The following PLAGL1 variants were observed in gnomAD, a reference collection of about 807,000 sequenced individuals.
The protein encoded by PLAGL1 is PLAG1 like zinc finger 1.
A neutral mutation model predicts 4.6 loss-of-function variants in PLAGL1; 1 was observed. The ratio of observed to expected loss-of-function variants is 0.22; its 90% CI spans 0.08 to 1.03. The LOEUF (loss-of-function observed/expected upper bound fraction) is 1.03, where lower values mean the gene tolerates loss of function less well. Ranked by LOEUF, PLAGL1 falls within the 50% of genes least tolerant of loss-of-function variation. The pLI, the probability that PLAGL1 is intolerant of heterozygous loss-of-function variation, is 0.58. For synonymous variants in PLAGL1, 240 were observed against 237.8 expected, an observed-to-expected ratio of 1.01 and a Z score of -0.08; for missense variants, 464 against 570.4, an observed-to-expected ratio of 0.81 and a Z score of 1.90.
At chr6:144,046,952 A>G (rs1177504243) in intron 1 of PLAGL1, among the ~76,000 whole-genome samples, 1 of 152,180 alleles carries the variant, frequency 6.6e-6, no homozygotes, top group Non-Finnish European at 1.5e-5. Flanking sequence ...TCGATCTCAG[A>G]CTGCTGCGCT....
chr6:144,017,506 C>T (rs533408915), intron 1 of PLAGL1, among the ~76,000 whole-genome samples: 22 of 152,330 alleles, frequency 1.4e-4, no homozygotes, highest in African/African-American at 5.3e-4. Flanking sequence ...TGAAGTCTGG[C>T]ACCTCTACTA....
rs1381028153 is a variant in PLAGL1, at chr6:144,056,759, G to A, written c.-151+7709C>T. Among the ~76,000 whole-genome samples the A allele has an allele frequency of 6.6e-6, 1 of 152,028 alleles. No homozygotes were observed. Among genetic ancestry groups the A allele is most frequent in the African/African-American group, 2.4e-5 (1 of 41,392 alleles). The stretch of plus-strand genomic sequence containing the variant: ...TACTCACTGTAGCCATGACCTCTTG[G>A]GCTCAAGTAATCCTCCCACATTAGC... On this transcript the variant is annotated intron_variant, in intron 1 of 3. Coordinates refer to the PLAGL1 transcript ENST00000437412. The surrounding 1 kb of genome is among the most constrained non-coding windows in gnomAD (Gnocchi z 4.7).
chr6:143,968,431 T>A lies in PLAGL1; in HGVS notation c.-472+476A>T, dbSNP rs749560182. ...ATTGTAACATACGTTACATTCTAGA[T>A]ATCTGATTCTAAATGGTGGACCCTA... is the stretch of plus-strand genomic sequence containing the variant. On this transcript the variant is annotated intron_variant, in intron 3 of 7. Transcript: ENST00000674357. This position sits in a 1 kb window ranked among gnomAD's most constrained non-coding sequence, Gnocchi z 6.3. 1 of 152,042 alleles carries A rather than the reference T, an allele frequency of 6.6e-6. No homozygotes were observed. Among genetic ancestry groups the A allele is most frequent in the African/African-American group, 2.4e-5 (1 of 41,422 alleles). The allele number at this position is 152,042 out of a possible 1,614,324, so 9.4% of individuals were successfully genotyped here.
chr6:143,951,237 C>T (rs1264301349), intron 6 of PLAGL1, among the ~76,000 whole-genome samples: 1 of 152,204 alleles, frequency 6.6e-6, no homozygotes, highest in Non-Finnish European at 1.5e-5. Flanking sequence ...AATAAACACC[C>T]TACAAATAGG....
intron 1 of PLAGL1, among the ~76,000 whole-genome samples, chr6:144,062,470 CAAAAAAAAAAAAA>C (rs543521128): frequency 6.6e-5 from 5 of 75,700 alleles, no homozygotes; most frequent in East Asian, 4.3e-4. Flanking sequence ...GTTATCAGAC[CAAAAAAAAAAAAA>C]AAAAAAAAAA....
In PLAGL1 at chr6:143,971,579, T is replaced by C. The variant is rs1785441028; in HGVS notation, c.-543-2601A>G. Among the ~76,000 whole-genome samples the C allele has an allele frequency of 2.6e-5, 4 of 152,348 alleles. 1 individual carries two copies. In the South Asian group the frequency reaches 8.3e-4, roughly 32 times the overall value. On this transcript the variant is annotated intron_variant, in intron 2 of 7. Coordinates refer to ENST00000674357, the MANE Select transcript of PLAGL1 (RefSeq NM_001317162.2). The surrounding 1 kb of genome is among the most constrained non-coding windows in gnomAD (Gnocchi z 4.7). Reference sequence around the variant, plus strand: ...TTGAGAATAGCTAAGAAATTGGGTTTGTCCCAGTGTTCTGTGAAATCAGAC... The same window carrying C: ...TTGAGAATAGCTAAGAAATTGGGTTCGTCCCAGTGTTCTGTGAAATCAGAC...
intron 7 of PLAGL1, among the ~76,000 whole-genome samples, chr6:143,946,006 C>T (rs1292815908): frequency 6.6e-6 from 1 of 152,048 alleles, no homozygotes; most frequent in Non-Finnish European, 1.5e-5. Context: ...ACTTCTTTTT[C>T]AGCGCAGTTT....
At chr6:144,009,619 A>G (rs992159934), upstream of PLAGL1, among the ~76,000 whole-genome samples, 1 of 152,164 alleles carries the variant, frequency 6.6e-6, no homozygotes, top group Non-Finnish European at 1.5e-5. Context: ...GCACTCATCA[A>G]CCCGTCATCT....
intron 1 of PLAGL1, among the ~76,000 whole-genome samples, chr6:143,988,276 T>G (rs957084310): frequency 2.6e-5 from 4 of 152,248 alleles, no homozygotes; most frequent in Non-Finnish European, 1.5e-5. Flanking sequence ...CTGTAACATT[T>G]ATGTTTATGT....
Position 143,958,309 on chromosome 6 carries a change from G to T in PLAGL1, c.-325+2160C>A, listed in dbSNP as rs1361270231. 6.6e-6 allele frequency among the ~76,000 whole-genome samples: 1 copy of T among 152,214 alleles called. No individual in the cohort carries two copies. ...AAGGTACTGTTCTGAAATGCTAACT[G>T]GTTCTTTTTACATGAGATGAACCCA... On this transcript the variant is annotated intron_variant, in intron 6 of 7. Transcript: ENST00000674357. The surrounding 1 kb of genome is among the most constrained non-coding windows in gnomAD (Gnocchi z 5.1).
intron 2 of PLAGL1, among the ~76,000 whole-genome samples, chr6:143,980,587 A>G (rs924205035): frequency 7.9e-5 from 12 of 152,130 alleles, no homozygotes; most frequent in African/African-American, 2.4e-4. Context: ...CATCTTGAGT[A>G]TATGGAACAT....
At position 144,061,306 on chromosome 6, in the gene PLAGL1, C is replaced by T. The variant is rs1799383114; in HGVS notation, c.-151+3162G>A. On this transcript the variant is annotated intron_variant, in intron 1 of 3. Transcript: ENST00000437412. The surrounding 1 kb of genome is among the most constrained non-coding windows in gnomAD (Gnocchi z 4.4). Reference sequence around the variant, plus strand: ...CCATATGACGTTAGCAAGTCAGTCTCTTCCAATTCCAATTTCTTTCTACAA... The same window carrying T: ...CCATATGACGTTAGCAAGTCAGTCTTTTCCAATTCCAATTTCTTTCTACAA... Among the ~76,000 whole-genome samples the T allele has an allele frequency of 6.6e-6, 1 of 152,248 alleles. No individual in the cohort carries two copies. The highest frequency in any genetic ancestry group is 1.5e-5 in the Non-Finnish European group (1 of 68,046).
intron 1 of PLAGL1, among the ~76,000 whole-genome samples, chr6:144,024,771 G>A (rs186848023): frequency 6.6e-6 from 1 of 152,270 alleles, no homozygotes; most frequent in East Asian, 1.9e-4. Flanking sequence ...AGTTCCTAGT[G>A]ACCAAAACTG....
At position 143,984,511 on chromosome 6, in the gene PLAGL1, G is replaced by C. The variant is rs1244296965; in HGVS notation, c.-544+624C>G. ...GAGTATGCCAAGGTAGGTACTATCG[G>C]GAAGACTGTATTAGAGGTGCGTGTC... On this transcript the variant is annotated intron_variant, in intron 2 of 7. Transcript: ENST00000674357. The surrounding 1 kb of genome is among the most constrained non-coding windows in gnomAD (Gnocchi z 5.5). Among the ~76,000 whole-genome samples the C allele has an allele frequency of 6.6e-6, 1 of 151,794 alleles. No homozygotes were observed. Among genetic ancestry groups the C allele is most frequent in the African/African-American group, 2.4e-5 (1 of 41,284 alleles).
Position 143,947,946 on chromosome 6 carries a change from G to C in PLAGL1, c.152+39C>G, listed in dbSNP as rs150987412. ...TGAGGGCTAGAAAAGCCATTTAAAC[G>C]TACTTCTAAAAGTGCATACCTTTGC... On this transcript the variant is annotated intron_variant, in intron 7 of 7. Coordinates refer to ENST00000674357, the MANE Select transcript of PLAGL1 (RefSeq NM_001317162.2). This position sits in a 1 kb window ranked among gnomAD's most constrained non-coding sequence, Gnocchi z 4.3. The C allele has an allele frequency of 6.3e-7, 1 of 1,576,330 alleles. No homozygotes were observed. Among genetic ancestry groups the C allele is most frequent in the Non-Finnish European group, 8.7e-7 (1 of 1,147,774 alleles).
At chr6:144,011,439 T>C (rs1305402063), upstream of PLAGL1, among the ~76,000 whole-genome samples, 2 of 152,232 alleles carry the variant, frequency 1.3e-5, no homozygotes, top group Non-Finnish European at 2.9e-5. This position sits in a 1 kb window ranked among gnomAD's most constrained non-coding sequence, Gnocchi z 4.3. Context: ...GGAGGTGGCT[T>C]GATTTTTCTG....
chr6:143,948,866 C>T lies in PLAGL1; in HGVS notation c.-324-406G>A, dbSNP rs1369789942. ...TAAACAAAAATCACCCACACTTACTCAAACCACGGGCTCTTCCTCATCACT... is the reference window on the plus strand; with the variant it reads ...TAAACAAAAATCACCCACACTTACTTAAACCACGGGCTCTTCCTCATCACT... On this transcript the variant is annotated intron_variant, in intron 6 of 7. Coordinates refer to ENST00000674357, the MANE Select transcript of PLAGL1 (RefSeq NM_001317162.2). This position sits in a 1 kb window ranked among gnomAD's most constrained non-coding sequence, Gnocchi z 6.0. 1.3e-5 allele frequency among the ~76,000 whole-genome samples: 2 copies of T among 152,198 alleles called. No homozygotes were observed. Among genetic ancestry groups the T allele is most frequent in the African/African-American group, 4.8e-5 (2 of 41,446 alleles).
chr6:143,942,427 C>G lies in PLAGL1; in HGVS notation c.389G>C (p.Gly130Ala), dbSNP rs755394360. Residue 130 changes from glycine (G) to alanine (A), a missense_variant, in exon 8 of 8, where the codon GGG (glycine) becomes GCG (alanine). This residue lies in a region of PLAGL1 where 161 missense variants were observed against 196.7 expected (regional missense o/e 0.82). Transcript: ENST00000674357. This position sits in a 1 kb window ranked among gnomAD's most constrained non-coding sequence, Gnocchi z 7.6. The part of the protein sequence containing the change: ...LTCGVCALEL[G>A]STEVLLDHLK... ...GTGGTCCAGTAGCACCTCGGTGCTC[C>G]CTAGCTCCAGGGCACAGACCCCACA... is the stretch of plus-strand genomic sequence containing the variant. The G allele has an allele frequency of 6.2e-7, 1 of 1,614,098 alleles. No homozygotes were observed. The highest frequency in any genetic ancestry group is 1.7e-5 in the Admixed American group (1 of 60,012).
intron 6 of PLAGL1, among the ~76,000 whole-genome samples, chr6:143,956,206 C>A (rs1430032922): frequency 5.3e-5 from 8 of 152,190 alleles, no homozygotes; most frequent in Non-Finnish European, 1.0e-4. Context: ...ATGTTTTCCT[C>A]CTAGAGTGGT....
Sources: allele counts gnomAD v4.1 joint callset (sites outside exome capture counted in the v4.1 genomes callset), GRCh38; gene constraint gnomAD v4.1.1; regional missense constraint gnomAD v4.1.1; non-coding constraint Gnocchi (gnomAD v3.1); transcripts MANE v1.5; gene names NCBI Gene and HGNC (gene_info 2026-07-23, HGNC 2026-07-21).